The following NXPE1 variants were observed in gnomAD, a reference collection of about 807,000 sequenced individuals.
The protein encoded by NXPE1 is NXPE family member 1.
NXPE1 carries 31 observed loss-of-function variants against 33.3 expected under a neutral mutation model. The observed-to-expected ratio is 0.93, with a 90% CI of 0.70 to 1.26. NXPE1 has a LOEUF of 1.26. Ranked by LOEUF, NXPE1 falls within the 50% of genes most tolerant of loss-of-function variation. NXPE1 has a pLI of 0.00. For missense variants in NXPE1, 661 were observed against 655.6 expected, an observed-to-expected ratio of 1.01 and a Z score of -0.09; for synonymous variants, 229 against 231.4, an observed-to-expected ratio of 0.99 and a Z score of 0.09.
At chr11:114,522,241 A>G (rs752887679) in exon 9 of NXPE1, 1 of 1,614,114 alleles carries the variant, frequency 6.2e-7, no homozygotes, top group Non-Finnish European at 8.5e-7. Flanking sequence ...TAGCCTTTTG[A>G]ACACCGATGG....
At chr11:114,534,595 C>A (rs113386640) in intron 5 of NXPE1, among the ~76,000 whole-genome samples, 2,098 of 152,198 alleles carry the variant, frequency 0.014, 39 homozygotes, top group African/African-American at 0.047. Context: ...CTTAAAGGAC[C>A]TGATGGAGCT....
intron 5 of NXPE1, among the ~76,000 whole-genome samples, chr11:114,539,864 G>A (rs181098833): frequency 8.6e-5 from 13 of 151,720 alleles, no homozygotes; most frequent in African/African-American, 2.2e-4. Context: ...ATTATATTTC[G>A]TAAATTGTAT....
chr11:114,534,035 C>G (rs891648053), intron 5 of NXPE1, among the ~76,000 whole-genome samples: 3 of 152,194 alleles, frequency 2.0e-5, no homozygotes, highest in Non-Finnish European at 2.9e-5. Flanking sequence ...AGGCACCCCC[C>G]AGTAGGGGCA....
chr11:114,524,627 A>G (rs768990730), intron 7 of NXPE1, among the ~76,000 whole-genome samples: 1 of 152,226 alleles, frequency 6.6e-6, no homozygotes, highest in Non-Finnish European at 1.5e-5. Flanking sequence ...GAATACCATG[A>G]CCCTGGAAAC....
intron 5 of NXPE1, among the ~76,000 whole-genome samples, chr11:114,543,029 A>T (rs1220380944): frequency 2.0e-5 from 3 of 152,060 alleles, no homozygotes; most frequent in Admixed American, 6.6e-5. Context: ...TTGAGGCAGG[A>T]GGATCACTTG....
Position 114,554,722 on chromosome 11 carries a change from G to A in NXPE1, c.-210-1842C>T, listed in dbSNP as rs148779447. Reference sequence around the variant, plus strand: ...TGAAAATAATCTGTGACTTCAAGTCGCTAAGCCACAGGCATTGCTAATATT... The same window carrying A: ...TGAAAATAATCTGTGACTTCAAGTCACTAAGCCACAGGCATTGCTAATATT... On this transcript the variant is annotated intron_variant, in intron 1 of 8. Coordinates refer to ENST00000534921, the Ensembl canonical transcript of NXPE1. Among the ~76,000 whole-genome samples the A allele has an allele frequency of 1.5e-3, 223 of 152,242 alleles. 1 individual carries two copies. The highest frequency in any genetic ancestry group is 4.5e-3 in the African/African-American group (186 of 41,544).
intron 5 of NXPE1, among the ~76,000 whole-genome samples, chr11:114,547,919 G>T (rs1264975386): frequency 6.6e-6 from 1 of 151,944 alleles, no homozygotes; most frequent in Admixed American, 6.6e-5. Flanking sequence ...GGGTATAGAA[G>T]AACTTCCTGT....
intron 6 of NXPE1, 151 bp downstream of exon 6, chr11:114,530,024 G>T (rs945066261): frequency 1.4e-5 from 10 of 733,346 alleles, no homozygotes; most frequent in Non-Finnish European, 2.2e-5. Context: ...TTGGCCTAGA[G>T]TGGTGAGTAG....
At chr11:114,537,476 A>G (rs1021706373) in intron 5 of NXPE1, among the ~76,000 whole-genome samples, 1 of 152,208 alleles carries the variant, frequency 6.6e-6, no homozygotes, top group African/African-American at 2.4e-5. Flanking sequence ...AATTAGGAAA[A>G]GAGGAAGTCA....
At chr11:114,550,610 C>T (rs1340779639) in intron 5 of NXPE1, among the ~76,000 whole-genome samples, 1 of 151,860 alleles carries the variant, frequency 6.6e-6, no homozygotes, top group East Asian at 1.9e-4. Context: ...TGTAACTATA[C>T]AAGTAAAAAA....
At chr11:114,537,049 G>A (rs918867865) in intron 5 of NXPE1, among the ~76,000 whole-genome samples, 2 of 152,082 alleles carry the variant, frequency 1.3e-5, no homozygotes, top group African/African-American at 4.8e-5. Flanking sequence ...CTGGCAAACC[G>A]AATCCAGCAA....
chr11:114,557,955 GTTACC>G (rs1374363045), intron 1 of NXPE1, among the ~76,000 whole-genome samples: 1 of 151,806 alleles, frequency 6.6e-6, no homozygotes, highest in Non-Finnish European at 1.5e-5. Flanking sequence ...CTTTGAATAT[GTTACC>G]TCATTTTCCT....
intron 7 of NXPE1, among the ~76,000 whole-genome samples, chr11:114,525,403 A>G (rs541726869): frequency 5.9e-4 from 90 of 152,092 alleles, no homozygotes; most frequent in Non-Finnish European, 9.3e-4. Flanking sequence ...GTTTTCCTGT[A>G]CTAGGCTGAC....
At chr11:114,547,838 C>T (rs961188092) in intron 5 of NXPE1, among the ~76,000 whole-genome samples, 54 of 152,072 alleles carry the variant, frequency 3.6e-4, no homozygotes, top group Admixed American at 3.5e-3. Flanking sequence ...ATATGGACTT[C>T]AAATTGTAAG....
chr11:114,538,643 A>G (rs997557137), intron 5 of NXPE1, among the ~76,000 whole-genome samples: 3 of 152,240 alleles, frequency 2.0e-5, no homozygotes, highest in African/African-American at 7.2e-5. Flanking sequence ...ACTTCTCAAT[A>G]GAAGACATTT....
exon 9 of NXPE1, chr11:114,521,954 A>G (rs78684808): frequency 4.5e-6 from 7 of 1,570,924 alleles, no homozygotes; most frequent in African/African-American, 2.7e-5. Context: ...GTGATTTTGT[A>G]TAGTATTTAT....
intron 5 of NXPE1, among the ~76,000 whole-genome samples, chr11:114,547,561 G>A (rs973696231): frequency 2.6e-5 from 4 of 151,920 alleles, no homozygotes; most frequent in East Asian, 1.9e-4. Flanking sequence ...ATGGTGAAAC[G>A]CATCTCTCCC....
At chr11:114,538,752 T>G (rs1947949845) in intron 5 of NXPE1, among the ~76,000 whole-genome samples, 1 of 151,970 alleles carries the variant, frequency 6.6e-6, no homozygotes, top group East Asian at 1.9e-4. Flanking sequence ...TCACACCAGT[T>G]AGAATGGCGA....
chr11:114,558,194 A>G (rs1308139153), intron 1 of NXPE1, among the ~76,000 whole-genome samples: 2 of 152,114 alleles, frequency 1.3e-5, no homozygotes, highest in Non-Finnish European at 2.9e-5. Flanking sequence ...ACATCTATGT[A>G]TATGTGTTTA....
Sources: gnomAD v4.1 joint callset for allele counts (sites outside exome capture counted in the v4.1 genomes callset) on GRCh38, gnomAD v4.1.1 for gene constraint, MANE v1.5 for transcripts, NCBI Gene and HGNC (gene_info 2026-07-23, HGNC 2026-07-21) for gene names.